Variants in ADAMTSL3 observed in about 807,000 individuals in gnomAD.
ADAMTSL3 encodes ADAMTS like 3, also known as ADAMTS-like protein 3.
ADAMTSL3 carries 128 observed loss-of-function variants against 201.7 expected under a neutral mutation model. The ratio of observed to expected loss-of-function variants is 0.63; its 90% CI spans 0.55 to 0.73. The LOEUF is 0.73. ADAMTSL3 is among the 30% of genes least tolerant of loss of function. ADAMTSL3 has a pLI of 0.00. For synonymous variants in ADAMTSL3, 738 were observed against 748.4 expected, an observed-to-expected ratio of 0.99 and a Z score of 0.23; for missense variants, 1,990 against 2,119.6, an observed-to-expected ratio of 0.94 and a Z score of 1.20.
rs1567221726 is a variant in ADAMTSL3, at chr15:83,897,221, GA to G, written c.1468-629del. Among the ~76,000 whole-genome samples, 3 of 151,514 alleles carry G rather than the reference GA, an allele frequency of 2.0e-5. No individual in the cohort carries two copies. In the South Asian group the frequency reaches 6.3e-4, roughly 32 times the overall value. On this transcript the variant is annotated intron_variant, in intron 13 of 29. Transcript: ENST00000286744. Reference sequence around the variant, plus strand: ...TTCAAATCATAAACAAATAATCCAAGAAAAAAAATGCTGACAACACAAACTT... The same window carrying G: ...TTCAAATCATAAACAAATAATCCAAGAAAAAAATGCTGACAACACAAACTT...
At chr15:83,679,731 T>C (rs1166569665) in intron 2 of ADAMTSL3, among the ~76,000 whole-genome samples, 1 of 152,146 alleles carries the variant, frequency 6.6e-6, no homozygotes, top group Non-Finnish European at 1.5e-5. Flanking sequence ...TTTCTCCAGC[T>C]CCCTTCTCTC....
chr15:83,661,898 G>T (rs1429762173), intron 2 of ADAMTSL3, among the ~76,000 whole-genome samples: 1 of 145,910 alleles, frequency 6.9e-6, no homozygotes, highest in Non-Finnish European at 1.5e-5. Flanking sequence ...AGTTAGAATG[G>T]CAATCATTAA....
intron 16 of ADAMTSL3, among the ~76,000 whole-genome samples, chr15:83,914,691 C>G (rs2065996757): frequency 6.6e-6 from 1 of 152,190 alleles, no homozygotes; most frequent in African/African-American, 2.4e-5. Context: ...TTAGTTGAAC[C>G]TTAAACATCT....
chr15:83,802,932 C>T (rs2063547216), intron 4 of ADAMTSL3, among the ~76,000 whole-genome samples: 1 of 152,076 alleles, frequency 6.6e-6, no homozygotes, highest in South Asian at 2.1e-4. Context: ...AACACTGAAC[C>T]ACACACTAAA....
chr15:83,773,780 T>C (rs1474017828), intron 4 of ADAMTSL3, 130 bp downstream of exon 4: 1 of 1,283,250 alleles, frequency 7.8e-7, no homozygotes, highest in African/African-American at 1.5e-5. Context: ...TTTGTCTAAA[T>C]ATTAGTCAAC....
intron 16 of ADAMTSL3, among the ~76,000 whole-genome samples, chr15:83,920,736 G>T (rs1022064612): frequency 6.6e-6 from 1 of 152,074 alleles, no homozygotes; most frequent in Non-Finnish European, 1.5e-5. Context: ...ATAGGTTTAG[G>T]TATCATCAGG....
rs767159933 is a variant in ADAMTSL3 at position 83,655,721 on chromosome 15, G to A, written c.-33-8G>A. ...CTGGTTGGTAATGAACTCTTTCCTC[G>A]TTTGTAGGCTACAACTGAGACCCGG... On this transcript the variant is annotated splice_polypyrimidine_tract_variant and splice_region_variant and intron_variant, in intron 1 of 29. Coordinates refer to ENST00000286744, the MANE Select transcript of ADAMTSL3 (RefSeq NM_207517.3). 6.9e-6 allele frequency: 11 copies of A among 1,603,526 alleles called. No individual in the cohort carries two copies. The Admixed American group carries it at 8.4e-5, about 12-fold the overall frequency.
intron 8 of ADAMTSL3, among the ~76,000 whole-genome samples, chr15:83,863,831 G>C (rs2064918278): frequency 6.6e-6 from 1 of 152,096 alleles, no homozygotes. Flanking sequence ...CCAGGAGCTG[G>C]TTTTTTGAAA....
rs771154300 is a variant in ADAMTSL3 at position 83,858,801 on chromosome 15, C to T, written c.763C>T (p.Arg255Ter). ...TGTAATTGCTGTTCCTTTGGGAAGTCGAAGTGTGAGAATTACAGTGAAAGG... is the reference window on the plus strand; with the variant it reads ...TGTAATTGCTGTTCCTTTGGGAAGTTGAAGTGTGAGAATTACAGTGAAAGG... ...ENVIAVPLGS[R>*]SVRITVKGPA... The change falls in exon 8 of 30, where the codon CGA becomes TGA. Residue 255 changes from arginine to a stop codon, truncating the protein, a stop_gained. Transcript: ENST00000286744. LOFTEE classifies it high-confidence loss of function. 15 of 1,613,464 alleles carry T rather than the reference C, an allele frequency of 9.3e-6. No homozygotes were observed. Among genetic ancestry groups the T allele is most frequent in the East Asian group, 2.2e-5 (1 of 44,850 alleles).
intron 20 of ADAMTSL3, among the ~76,000 whole-genome samples, chr15:83,980,204 A>G (rs1271480774): frequency 2.0e-5 from 3 of 152,140 alleles, no homozygotes; most frequent in Non-Finnish European, 4.4e-5. Context: ...CTGGAACCCC[A>G]TGAGCATTTC....
intron 5 of ADAMTSL3, among the ~76,000 whole-genome samples, chr15:83,806,872 A>G (rs1419246374): frequency 6.6e-6 from 1 of 152,180 alleles, no homozygotes; most frequent in African/African-American, 2.4e-5. Context: ...AGCAAAAAAC[A>G]AAACAAAGTA....
chr15:83,766,001 CAG>C (rs911051882), intron 3 of ADAMTSL3, among the ~76,000 whole-genome samples: 15 of 152,034 alleles, frequency 9.9e-5, no homozygotes, highest in Non-Finnish European at 2.1e-4. Context: ...AATTAGAAAA[CAG>C]AGGTGAGCAC....
chr15:84,029,348 C>T (rs895357791), intron 27 of ADAMTSL3, among the ~76,000 whole-genome samples: 2 of 152,158 alleles, frequency 1.3e-5, no homozygotes, highest in Non-Finnish European at 2.9e-5. Context: ...TTCTTGGGAA[C>T]TAGAGCAAAG....
At chr15:84,023,758 T>C (rs1169650275) in intron 26 of ADAMTSL3, among the ~76,000 whole-genome samples, 4 of 152,190 alleles carry the variant, frequency 2.6e-5, no homozygotes, top group Non-Finnish European at 5.9e-5. Context: ...CTTTCATACC[T>C]AGAAGAGACC....
rs927191390 is a variant in ADAMTSL3 at position 83,654,591 on chromosome 15, C to T, written c.-34+315C>T. On this transcript the variant is annotated intron_variant, in intron 1 of 29. Coordinates refer to ENST00000286744, the MANE Select transcript of ADAMTSL3 (RefSeq NM_207517.3). This position sits in a 1 kb window ranked among gnomAD's most constrained non-coding sequence, Gnocchi z 5.3. The stretch of plus-strand genomic sequence containing the variant: ...TGGAGTTTTTCAGGATTGGGAGTTA[C>T]TAAGCAGAAACCTCGCGGGTCCGAA... Among the ~76,000 whole-genome samples, 2 of 152,134 alleles carry T rather than the reference C, an allele frequency of 1.3e-5. No homozygotes were observed. Among genetic ancestry groups the T allele is most frequent in the Non-Finnish European group, 2.9e-5 (2 of 68,036 alleles).
intron 7 of ADAMTSL3, among the ~76,000 whole-genome samples, chr15:83,842,790 T>A (rs908028082): frequency 2.0e-5 from 3 of 152,088 alleles, no homozygotes; most frequent in African/African-American, 7.2e-5. Flanking sequence ...CAGGAAGGCA[T>A]GTGGATGAGG....
chr15:84,036,772 G>C lies in ADAMTSL3; in HGVS notation c.4755-1G>C, dbSNP rs1169994980. On this transcript the variant is annotated splice_acceptor_variant, in intron 28 of 29. Coordinates refer to ENST00000286744, the MANE Select transcript of ADAMTSL3 (RefSeq NM_207517.3). LOFTEE classifies it high-confidence loss of function. Reference sequence around the variant, plus strand: ...CCGTTTTGTTTTATTTTTCACTTCAGACCCACCTTAAGAAGGAACTGCACA... The same window carrying C: ...CCGTTTTGTTTTATTTTTCACTTCACACCCACCTTAAGAAGGAACTGCACA... 2 of 1,604,858 alleles carry C rather than the reference G, an allele frequency of 1.2e-6. No homozygotes were observed.
intron 23 of ADAMTSL3, among the ~76,000 whole-genome samples, chr15:84,005,128 G>A (rs56193063): frequency 0.12 from 18,805 of 152,162 alleles, 1,285 homozygotes; most frequent in East Asian, 0.29. Context: ...AGGAAATGGA[G>A]TCCTGGGGAA....
At chr15:83,925,320 A>G (rs982738206) in intron 17 of ADAMTSL3, among the ~76,000 whole-genome samples, 2 of 152,194 alleles carry the variant, frequency 1.3e-5, no homozygotes, top group Non-Finnish European at 2.9e-5. Flanking sequence ...ATCCATTACC[A>G]TATTTCTCGC....
Sources: gnomAD v4.1 joint callset for allele counts (sites outside exome capture counted in the v4.1 genomes callset) on GRCh38, gnomAD v4.1.1 for gene constraint, Gnocchi (gnomAD v3.1) non-coding constraint, MANE v1.5 for transcripts, NCBI Gene and HGNC (gene_info 2026-07-23, HGNC 2026-07-21) for gene names.